Variants in ANK2 observed in about 807,000 individuals in gnomAD.
The protein encoded by ANK2 is ankyrin-2.
In ANK2, 83 loss-of-function variants were observed where a neutral mutation model predicts 360.5. The observed-to-expected ratio is 0.23, with a 90% CI of 0.19 to 0.28. The LOEUF (loss-of-function observed/expected upper bound fraction) is 0.28. ANK2 is among the 10% of genes least tolerant of loss of function. The probability of loss-of-function intolerance (pLI) is 1.00; values close to 1 mark genes in which losing one functional copy is unlikely to be tolerated. For synonymous variants in ANK2, 1,740 were observed against 1,759.5 expected (o/e 0.99, Z 0.28); for missense variants, 4,201 against 4,795.7 (o/e 0.88, Z 3.66).
At chr4:113,021,673 T>G (rs994479906) in intron 2 of ANK2, among the ~76,000 whole-genome samples, 1 of 150,790 alleles carries the variant, frequency 6.6e-6, no homozygotes, top group Non-Finnish European at 1.5e-5. Context: ...GTATTTATGA[T>G]TCATTGAATG....
the ANK2 span, among the ~76,000 whole-genome samples, chr4:112,772,647 C>A: frequency 6.6e-6 from 1 of 152,288 alleles, no homozygotes; most frequent in African/African-American, 2.4e-5. Flanking sequence ...AGGCAAATAG[C>A]CTCATTAACT....
At chr4:112,874,011 CA>C (rs1261383364) in intron 1 of ANK2, among the ~76,000 whole-genome samples, 1 of 151,458 alleles carries the variant, frequency 6.6e-6, no homozygotes, top group Middle Eastern at 3.2e-3. Context: ...AGAAAGTTTC[CA>C]GCTTTAATTT....
At chr4:113,224,898 A>G (rs201893042) in intron 4 of ANK2, among the ~76,000 whole-genome samples, 197 of 113,010 alleles carry the variant, frequency 1.7e-3, no homozygotes, top group Non-Finnish European at 1.5e-3. Flanking sequence ...TTTTTTTTTA[A>G]TTTTAAGACC....
At chr4:112,883,063 G>C (rs570786944) in intron 1 of ANK2, among the ~76,000 whole-genome samples, 64 of 75,784 alleles carry the variant, frequency 8.4e-4, no homozygotes, top group Middle Eastern at 0.011. Context: ...TTTTGAGATG[G>C]AGTTTCACTC....
At chr4:113,262,150 TATC>T (rs748967216) in intron 13 of ANK2, among the ~76,000 whole-genome samples, 2 of 152,246 alleles carry the variant, frequency 1.3e-5, no homozygotes, top group South Asian at 2.1e-4. Context: ...AATTTATTCT[TATC>T]ATCATTTCTA....
intron 2 of ANK2, among the ~76,000 whole-genome samples, chr4:112,930,580 A>T (rs1409508878): frequency 6.6e-6 from 1 of 152,108 alleles, no homozygotes; most frequent in Non-Finnish European, 1.5e-5. Flanking sequence ...TAAAAAAAAA[A>T]TGTAGGAGTA....
intron 2 of ANK2, among the ~76,000 whole-genome samples, chr4:113,031,912 G>A (rs1306540064): frequency 6.6e-6 from 1 of 151,920 alleles, no homozygotes; most frequent in East Asian, 1.9e-4. Flanking sequence ...TTGAAAACAA[G>A]ACATTTGTAT....
At position 113,356,149 on chromosome 4, in the gene ANK2, C is replaced by T. The variant is rs2154024936; in HGVS notation, c.7531C>T (p.Arg2511Ter). 1 of 1,614,046 alleles carries T rather than the reference C, an allele frequency of 6.2e-7. No individual in the cohort carries two copies. Among genetic ancestry groups the T allele is most frequent in the Non-Finnish European group, 8.5e-7 (1 of 1,179,988 alleles). The change falls in exon 38 of 46, where the codon CGA (arginine) becomes TGA (stop). Residue 2511 changes from arginine to a stop codon, truncating the protein, a stop_gained. Transcript: ENST00000357077. LOFTEE classifies it high-confidence loss of function. ...GGCCTCTGTGCGGTCCCGGCTACTC[C>T]GAGACCCTGATGGCAGTGCTGAGGA... ...EVASVRSRLL[R>*]DPDGSAEDDS...
rs1245986589 is a variant in ANK2, at chr4:112,958,278, C to T, written c.21+53764C>T. Among the ~76,000 whole-genome samples the T allele has an allele frequency of 4.9e-4, 75 of 152,342 alleles. 1 individual carries two copies. The East Asian group carries it at 0.013, about 25-fold the overall frequency. ...TGGAGGTTGTAGCGAGCCGAGATCA[C>T]GCCATTGCACTCCAGCCTGGGCACC... On this transcript the variant is annotated intron_variant, in intron 2 of 30. Transcript: ENST00000503271.
At chr4:113,232,378 T>C (rs2099318824) in intron 5 of ANK2, 119 bp downstream of exon 5, 2 of 796,952 alleles carry the variant, frequency 2.5e-6, no homozygotes, top group Non-Finnish European at 2.1e-6. Flanking sequence ...TTCATGTTAC[T>C]ATTATAATCG....
chr4:113,061,679 T>C (rs1184995117), intron 1 of ANK2, among the ~76,000 whole-genome samples: 4 of 152,120 alleles, frequency 2.6e-5, no homozygotes, highest in Admixed American at 2.6e-4. Flanking sequence ...GCCATAACCA[T>C]ACTCCAATTT....
intron 1 of ANK2, chr4:112,826,377 GA>G: frequency 1.0e-6 from 1 of 999,454 alleles, no homozygotes; most frequent in Non-Finnish European, 1.5e-6. Context: ...ACTGCAACCT[GA>G]AAAGCCAGTT....
At chr4:113,048,526 G>A (rs1163773416), upstream of ANK2, among the ~76,000 whole-genome samples, 13 of 149,884 alleles carry the variant, frequency 8.7e-5, 1 homozygote, top group Admixed American at 8.6e-4. Flanking sequence ...ACCTGCCTTG[G>A]CCTCCCAAAA....
rs2153405241 is a variant in ANK2, at chr4:113,199,053, G to A, written c.328G>A (p.Ala110Thr). 2.5e-6 allele frequency: 4 copies of A among 1,613,560 alleles called. No homozygotes were observed. Among genetic ancestry groups the A allele is most frequent in the Non-Finnish European group, 2.5e-6 (3 of 1,179,668 alleles). ...TCACATTGCATCTTTGGCTGGACAAGCAGAAGTTGTCAAAGTTCTTGTTAA... is the reference window on the plus strand; with the variant it reads ...TCACATTGCATCTTTGGCTGGACAAACAGAAGTTGTCAAAGTTCTTGTTAA... ...ALHIASLAGQ[A>T]EVVKVLVKEG... Residue 110 changes from alanine to threonine, a missense_variant, in exon 4 of 46, where the codon GCA (alanine) becomes ACA (threonine). This residue lies in a region of ANK2 where 169 missense variants were observed against 191.1 expected (regional missense o/e 0.88). Transcript: ENST00000357077.
chr4:112,941,551 T>C (rs1309153819), intron 2 of ANK2, among the ~76,000 whole-genome samples: 1 of 143,778 alleles, frequency 7.0e-6, no homozygotes, highest in African/African-American at 2.5e-5. Flanking sequence ...ATTTAGTATA[T>C]ACATATATCT....
intron 1 of ANK2, among the ~76,000 whole-genome samples, chr4:113,085,256 AT>A (rs1260592508): frequency 6.6e-6 from 1 of 152,154 alleles, no homozygotes; most frequent in African/African-American, 2.4e-5. Flanking sequence ...CCTTTTAAGT[AT>A]TTATAGAGTA....
At chr4:113,015,944 T>C (rs962058492) in intron 2 of ANK2, among the ~76,000 whole-genome samples, 5 of 152,104 alleles carry the variant, frequency 3.3e-5, no homozygotes, top group Non-Finnish European at 5.9e-5. Flanking sequence ...TGGCAAAACA[T>C]ACACAAACTT....
chr4:113,060,679 CTT>C (rs58946073), intron 1 of ANK2, among the ~76,000 whole-genome samples: 55,181 of 90,420 alleles, frequency 0.61, 14,796 homozygotes, highest in Middle Eastern at 0.71. Flanking sequence ...ATCTAAAAAG[CTT>C]TTTTTTTTTT....
intron 1 of ANK2, among the ~76,000 whole-genome samples, chr4:112,874,794 A>G (rs1380141128): frequency 6.6e-6 from 1 of 152,142 alleles, no homozygotes; most frequent in Non-Finnish European, 1.5e-5. Context: ...TTCTTCTGTA[A>G]TCAGTGGGAA....
Sources: allele counts gnomAD v4.1 joint callset (sites outside exome capture counted in the v4.1 genomes callset), GRCh38; gene constraint gnomAD v4.1.1; regional missense constraint gnomAD v4.1.1; transcripts MANE v1.5; gene names NCBI Gene and HGNC (gene_info 2026-07-23, HGNC 2026-07-21).